The following RERGL variants were observed in gnomAD, a reference collection of about 807,000 sequenced individuals.
RERGL encodes ras-related and estrogen-regulated growth inhibitor-like protein.
A neutral mutation model predicts 24.7 loss-of-function variants in RERGL; 22 were observed. The observed-to-expected ratio is 0.89, with a 90% CI of 0.64 to 1.27. The LOEUF (loss-of-function observed/expected upper bound fraction) is 1.27. Among genes scored for constraint, RERGL ranks in the 50% most tolerant of loss-of-function variants. The probability of loss-of-function intolerance (pLI) is 0.00; values close to 1 mark genes in which losing one functional copy is unlikely to be tolerated. For missense variants in RERGL, 259 were observed against 235.3 expected (o/e 1.10, Z -0.66); for synonymous variants, 76 against 82.6 (o/e 0.92, Z 0.43).
intron 4 of RERGL, among the ~76,000 whole-genome samples, 198 bp from the exon 5 acceptor site, chr12:18,081,671 A>T (rs1947174742): frequency 6.6e-6 from 1 of 152,200 alleles, no homozygotes; most frequent in Non-Finnish European, 1.5e-5. Flanking sequence ...AAAATGTAGT[A>T]AATGGCACAG....
At chr12:18,086,693 T>C (rs547392787) in intron 2 of RERGL, among the ~76,000 whole-genome samples, 55 of 152,288 alleles carry the variant, frequency 3.6e-4, no homozygotes, top group Non-Finnish European at 6.5e-4. Context: ...ATAGGTTTCT[T>C]CTCTTCTTAC....
Position 18,081,108 on chromosome 12 carries a change from A to G in RERGL, c.*83T>C. The G allele has an allele frequency of 7.8e-7, 1 of 1,278,182 alleles. No individual in the cohort carries two copies. Among genetic ancestry groups the G allele is most frequent in the Non-Finnish European group, 1.1e-6 (1 of 936,616 alleles). 79.2% of individuals were successfully genotyped at this position (1,278,182 alleles called of 1,614,324 possible). A position where few individuals can be genotyped will look rare whatever the true frequency, so the allele number is the denominator to read the frequency against. ...AAGAGAATTCTTTTTACCAAAAAAAAATTGCATACAAAGGTTAGTTTAATT... is the reference window on the plus strand; with the variant it reads ...AAGAGAATTCTTTTTACCAAAAAAAGATTGCATACAAAGGTTAGTTTAATT... On this transcript the variant is annotated 3_prime_UTR_variant, in exon 5 of 5. Coordinates refer to ENST00000538724, the MANE Select transcript of RERGL (RefSeq NM_001286201.2).
Position 18,088,911 on chromosome 12 carries a change from G to T in RERGL, c.98C>A (p.Ala33Asp). The T allele has an allele frequency of 1.2e-6, 2 of 1,605,010 alleles. No homozygotes were observed. Among genetic ancestry groups the T allele is most frequent in the East Asian group, 2.2e-5 (1 of 44,698 alleles). ...FLTKRFIGEYASNFESIYKKH... is the reference protein window; with the variant it reads ...FLTKRFIGEYDSNFESIYKKH... ...GAGTAGTGACTTACCAAAATTAGAA[G>T]CATATTCTCCAATGAATCGCTTAGT... The change falls in exon 2 of 5, where the codon GCT (alanine) becomes GAT (aspartate). Residue 33 changes from alanine (A) to aspartate (D), a missense_variant. Coordinates refer to ENST00000538724, the MANE Select transcript of RERGL (RefSeq NM_001286201.2).
In RERGL at chr12:18,080,931, C is replaced by T. The variant is rs939317743; in HGVS notation, c.*260G>A. 9 of 278,662 alleles carry T rather than the reference C, an allele frequency of 3.2e-5. No individual in the cohort carries two copies. The East Asian group carries it at 3.6e-4, about 11-fold the overall frequency. The allele number at this position is 278,662 out of a possible 1,614,324, so 17.3% of individuals were successfully genotyped here. On this transcript the variant is annotated 3_prime_UTR_variant, in exon 5 of 5. Coordinates refer to ENST00000538724, the MANE Select transcript of RERGL (RefSeq NM_001286201.2). Reference sequence around the variant, plus strand: ...TTTATTTGGCAAGGCAAACTGGGATCGCTGTCCGCCAGTAGGTTAGGGTGA... The same window carrying T: ...TTTATTTGGCAAGGCAAACTGGGATTGCTGTCCGCCAGTAGGTTAGGGTGA...
intron 4 of RERGL, among the ~76,000 whole-genome samples, chr12:18,081,937 G>A (rs554457925): frequency 4.6e-5 from 7 of 152,238 alleles, no homozygotes; most frequent in African/African-American, 9.6e-5. Context: ...TCAGGAGATC[G>A]AGACCATCCT....
intron 2 of RERGL, among the ~76,000 whole-genome samples, chr12:18,087,100 T>C (rs1391805157): frequency 6.6e-6 from 1 of 152,204 alleles, no homozygotes; most frequent in East Asian, 1.9e-4. Context: ...AACACTCTAG[T>C]CTCGACCACC....
Position 18,080,976 on chromosome 12 carries a change from A to G in RERGL, c.*215T>C, listed in dbSNP as rs1168630949. On this transcript the variant is annotated 3_prime_UTR_variant, in exon 5 of 5. Transcript: ENST00000538724. ...GGGTGAGTGTGATGTTGTACAATAA[A>G]TGAAAGGTTCTGTGTGAAGGAGAGT... The G allele has an allele frequency of 7.1e-6, 3 of 422,012 alleles. No homozygotes were observed. Among genetic ancestry groups the G allele is most frequent in the Non-Finnish European group, 1.3e-5 (3 of 235,944 alleles). The allele number at this position is 422,012 out of a possible 1,614,324, so 26.1% of individuals were successfully genotyped here. A position where few individuals can be genotyped will look rare whatever the true frequency, so the allele number is the denominator to read the frequency against.
Position 18,085,790 on chromosome 12 carries a change from C to CT in RERGL, c.110-98dup, listed in dbSNP as rs1947213719. ...CATTTTAGTGGAATCGTATTGTGCT[C>CT]TTTTTATATTGCTGGTGACTGAAAG... On this transcript the variant is annotated intron_variant, in intron 2 of 4. Transcript: ENST00000538724. 6.7e-6 allele frequency: 4 copies of CT among 594,620 alleles called. No individual in the cohort carries two copies. In the South Asian group the frequency reaches 8.8e-5, roughly 13 times the overall value. 36.8% of individuals were successfully genotyped at this position (594,620 alleles called of 1,614,324 possible). A position where few individuals can be genotyped will look rare whatever the true frequency, so the allele number is the denominator to read the frequency against.
chr12:18,082,143 CAAA>C (rs529778796), intron 4 of RERGL, among the ~76,000 whole-genome samples: 7 of 121,048 alleles, frequency 5.8e-5, no homozygotes, highest in Non-Finnish European at 8.9e-5. Flanking sequence ...TTGTCTCAAC[CAAA>C]AAAAAAAAAA....
At chr12:18,089,904 C>T (rs963653029) in intron 1 of RERGL, among the ~76,000 whole-genome samples, 185 bp downstream of exon 1, 1 of 152,024 alleles carries the variant, frequency 6.6e-6, no homozygotes, top group African/African-American at 2.4e-5. Flanking sequence ...CATACAGTTA[C>T]TTACCTATAA....
chr12:18,084,684 C>A lies in RERGL; in HGVS notation c.184-19G>T. ...TCTGTGTCTGAAAATAAACCAAGTG[C>A]ATTAAAAGTGGTGGGATCTAATACC... On this transcript the variant is annotated intron_variant, in intron 3 of 4. Transcript: ENST00000538724. 1 of 1,603,208 alleles carries A rather than the reference C, an allele frequency of 6.2e-7. No homozygotes were observed.
chr12:18,082,143 C>CA (rs529778796), intron 4 of RERGL, among the ~76,000 whole-genome samples: 28,794 of 120,902 alleles, frequency 0.24, 3,248 homozygotes, highest in East Asian at 0.57. Context: ...TTGTCTCAAC[C>CA]AAAAAAAAAA....
chr12:18,083,168 T>A (rs1947189095), intron 4 of RERGL, among the ~76,000 whole-genome samples: 1 of 152,154 alleles, frequency 6.6e-6, no homozygotes, highest in African/African-American at 2.4e-5. Context: ...GATATATACA[T>A]GTATTTTCAA....
chr12:18,085,546 T>A, intron 3 of RERGL, 74 bp downstream of exon 3: 1 of 1,035,552 alleles, frequency 9.7e-7, no homozygotes, highest in South Asian at 1.4e-5. Context: ...TACCCCCATA[T>A]AATCTTCAAA....
intron 1 of RERGL, 64 bp from the exon 2 acceptor site, chr12:18,089,020 T>C: frequency 7.4e-7 from 1 of 1,354,378 alleles, no homozygotes. Context: ...TTTGGTTATG[T>C]GCATAAGGCT....
chr12:18,081,139 G>A lies in RERGL; in HGVS notation c.*52C>T. On this transcript the variant is annotated 3_prime_UTR_variant, in exon 5 of 5. Coordinates refer to ENST00000538724, the MANE Select transcript of RERGL (RefSeq NM_001286201.2). ...ATACAAAGGTTAGTTTAATTATCAT[G>A]TGAATGTTTGAAACTCTCTGATATA... is the stretch of plus-strand genomic sequence containing the variant. The A allele has an allele frequency of 6.7e-7, 1 of 1,488,758 alleles. No individual in the cohort carries two copies. Among genetic ancestry groups the A allele is most frequent in the East Asian group, 2.3e-5 (1 of 43,846 alleles). 92.2% of individuals were successfully genotyped at this position (1,488,758 alleles called of 1,614,324 possible). A position where few individuals can be genotyped will look rare whatever the true frequency, so the allele number is the denominator to read the frequency against.
Position 18,081,032 on chromosome 12 carries a change from T to C in RERGL, c.*159A>G. On this transcript the variant is annotated 3_prime_UTR_variant, in exon 5 of 5. Coordinates refer to ENST00000538724, the MANE Select transcript of RERGL (RefSeq NM_001286201.2). ...GGGTACAACAACCAAAAAGGCAAAC[T>C]ACATATTTGAAAACACAGCTGTGGT... 1 of 648,114 alleles carries C rather than the reference T, an allele frequency of 1.5e-6. No individual in the cohort carries two copies. The highest frequency in any genetic ancestry group is 2.5e-6 in the Non-Finnish European group (1 of 395,344). The allele number at this position is 648,114 out of a possible 1,614,324, so 40.1% of individuals were successfully genotyped here. A position where few individuals can be genotyped will look rare whatever the true frequency, so the allele number is the denominator to read the frequency against.
In RERGL at chr12:18,088,970, A is replaced by G; in HGVS notation, c.53-14T>C. On this transcript the variant is annotated splice_polypyrimidine_tract_variant and intron_variant, in intron 1 of 4. Coordinates refer to ENST00000538724, the MANE Select transcript of RERGL (RefSeq NM_001286201.2). ...TCACTGTAAGGGCTGCAAAGCAAAC[A>G]ATCTAGATTTAGGGCTGTTATATTT... 6.2e-7 allele frequency: 1 copy of G among 1,601,624 alleles called. No homozygotes were observed. The highest frequency in any genetic ancestry group is 8.6e-7 in the Non-Finnish European group (1 of 1,169,086).
chr12:18,089,734 A>G (rs1166638026), intron 1 of RERGL, among the ~76,000 whole-genome samples: 2 of 152,086 alleles, frequency 1.3e-5, no homozygotes, highest in Non-Finnish European at 1.5e-5. Context: ...ATTGTTTGGG[A>G]ACTAGTGGGT....
Sources: allele counts gnomAD v4.1 joint callset (sites outside exome capture counted in the v4.1 genomes callset), GRCh38; gene constraint gnomAD v4.1.1; transcripts MANE v1.5; gene names NCBI Gene and HGNC (gene_info 2026-07-23, HGNC 2026-07-21).